The following RALGPS1 variants were observed in gnomAD, a reference collection of about 807,000 sequenced individuals.
RALGPS1 encodes ras-specific guanine nucleotide-releasing factor RalGPS1.
A neutral mutation model predicts 78.8 loss-of-function variants in RALGPS1; 19 were observed. That is an observed-to-expected ratio of 0.24 (90% CI 0.17 to 0.35). RALGPS1 has a LOEUF of 0.35. Ranked by LOEUF, RALGPS1 falls within the 10% of genes least tolerant of loss-of-function variation. RALGPS1 has a pLI of 1.00. For synonymous variants in RALGPS1, 228 were observed against 256.3 expected (o/e 0.89, Z 1.06); for missense variants, 454 against 688.3 (o/e 0.66, Z 3.81).
chr9:127,095,120 C>T (rs182375449), intron 8 of RALGPS1, among the ~76,000 whole-genome samples: 362 of 152,264 alleles, frequency 2.4e-3, no homozygotes, highest in Admixed American at 4.6e-3. Flanking sequence ...CTCATAGGGC[C>T]GGGCACGGTG....
intron 10 of RALGPS1, among the ~76,000 whole-genome samples, chr9:127,170,044 T>C (rs934684313): frequency 6.6e-6 from 1 of 152,270 alleles, no homozygotes; most frequent in African/African-American, 2.4e-5. Context: ...CCATGATTCC[T>C]TGGAATCTTG....
Position 127,050,105 on chromosome 9 carries a change from C to G in RALGPS1, c.363C>G (p.Ile121Met). 1.2e-6 allele frequency: 2 copies of G among 1,613,846 alleles called. No homozygotes were observed. Among genetic ancestry groups the G allele is most frequent in the Non-Finnish European group, 1.7e-6 (2 of 1,179,760 alleles). Residue 121 changes from isoleucine to methionine, a missense_variant, in exon 6 of 19, where the codon ATC becomes ATG. By Grantham distance (10) the Ile-to-Met change is conservative. Coordinates refer to ENST00000259351, the MANE Select transcript of RALGPS1 (RefSeq NM_014636.3). ...TAQTLKIRAE[I>M]LSHFVKIAKK... ...AGACTTTAAAAATAAGGGCAGAAATCCTCAGCCATTTTGTGAAAATAGCCA... is the reference window on the plus strand; with the variant it reads ...AGACTTTAAAAATAAGGGCAGAAATGCTCAGCCATTTTGTGAAAATAGCCA...
chr9:127,140,733 T>C (rs1195804128), intron 8 of RALGPS1, among the ~76,000 whole-genome samples: 1 of 152,126 alleles, frequency 6.6e-6, no homozygotes, highest in Non-Finnish European at 1.5e-5. Context: ...AAAAAAAGTT[T>C]TAACCTCCCC....
intron 11 of RALGPS1, among the ~76,000 whole-genome samples, chr9:127,177,544 C>T (rs993114675): frequency 6.6e-6 from 1 of 151,722 alleles, no homozygotes; most frequent in East Asian, 1.9e-4. Flanking sequence ...AGCCCAGGGC[C>T]CTGCCTCAGC....
intron 8 of RALGPS1, among the ~76,000 whole-genome samples, chr9:127,123,061 C>A (rs1415787164): frequency 6.6e-6 from 1 of 152,260 alleles, no homozygotes; most frequent in African/African-American, 2.4e-5. Context: ...AGCGGGTCCT[C>A]CCCCTGGATG....
At chr9:127,121,860 G>C (rs1046003376) in intron 8 of RALGPS1, among the ~76,000 whole-genome samples, 1 of 152,200 alleles carries the variant, frequency 6.6e-6, no homozygotes, top group Non-Finnish European at 1.5e-5. Flanking sequence ...CACAGCGCTT[G>C]CCTTTGCCTC....
rs948877579 is a variant in RALGPS1, at chr9:127,028,341, T to G, written c.217-6090T>G. 2.0e-5 allele frequency among the ~76,000 whole-genome samples: 3 copies of G among 152,268 alleles called. No individual in the cohort carries two copies. The East Asian group carries it at 5.8e-4, about 29-fold the overall frequency. On this transcript the variant is annotated intron_variant, in intron 4 of 18. Coordinates refer to ENST00000259351, the MANE Select transcript of RALGPS1 (RefSeq NM_014636.3). ...CATCACTTCTACCATCCACTACCTG[T>G]GTGGTCTGGACAAATTACCTGCTTG...
intron 8 of RALGPS1, among the ~76,000 whole-genome samples, chr9:127,155,762 C>G (rs1397693287): frequency 6.6e-6 from 1 of 152,096 alleles, no homozygotes; most frequent in African/African-American, 2.4e-5. Context: ...GTGTCTGTGG[C>G]CTTTAAATCT....
At chr9:127,063,061 C>T (rs1190527967) in intron 7 of RALGPS1, among the ~76,000 whole-genome samples, 1 of 152,184 alleles carries the variant, frequency 6.6e-6, no homozygotes, top group Non-Finnish European at 1.5e-5. Flanking sequence ...TTTGGAGCAA[C>T]AGTCTCTTTG....
intron 11 of RALGPS1, among the ~76,000 whole-genome samples, chr9:127,175,025 G>T (rs2059777547): frequency 6.6e-6 from 1 of 152,200 alleles, no homozygotes; most frequent in African/African-American, 2.4e-5. Context: ...GGCCTGAACA[G>T]CCCCAAGAGA....
chr9:127,218,769 A>C lies in RALGPS1; in HGVS notation c.1674A>C (p.Ter558TyrextTer21). The C allele has an allele frequency of 6.2e-7, 1 of 1,613,988 alleles. No homozygotes were observed. The highest frequency in any genetic ancestry group is 8.5e-7 in the Non-Finnish European group (1 of 1,179,838). The change falls in exon 19 of 19, where the codon TAA becomes TAC. Residue 558 changes from the stop codon to tyrosine (Y), a stop_lost. Transcript: ENST00000259351. The surrounding 1 kb of genome is among the most constrained non-coding windows in gnomAD (Gnocchi z 4.4). ...QVPANLMSFE[*>Y] ...CTGCAAACCTTATGTCATTTGAGTAAGTCTCTGCAGGACGTGGCATGACTT... is the reference window on the plus strand; with the variant it reads ...CTGCAAACCTTATGTCATTTGAGTACGTCTCTGCAGGACGTGGCATGACTT...
At chr9:126,944,678 T>C (rs940560183) in intron 1 of RALGPS1, among the ~76,000 whole-genome samples, 9 of 152,180 alleles carry the variant, frequency 5.9e-5, no homozygotes, top group Admixed American at 1.3e-4. Context: ...ATAGAAAGGC[T>C]GCAAAACAGT....
chr9:126,932,917 C>T (rs903812517), intron 1 of RALGPS1, among the ~76,000 whole-genome samples: 13 of 152,136 alleles, frequency 8.5e-5, no homozygotes, highest in South Asian at 2.1e-4. Context: ...GAGCCGAGGC[C>T]GGGCTGTGGA....
chr9:127,143,115 TTTTG>T (rs1469309889), intron 8 of RALGPS1, among the ~76,000 whole-genome samples: 2 of 152,250 alleles, frequency 1.3e-5, no homozygotes, highest in African/African-American at 4.8e-5. Context: ...GTTTCCAAGT[TTTTG>T]TTTGTTTTCT....
chr9:127,165,953 C>A, intron 8 of RALGPS1, 116 bp from the exon 9 acceptor site: 1 of 1,375,192 alleles, frequency 7.3e-7, no homozygotes, highest in Non-Finnish European at 9.5e-7. Context: ...CAAATATTAT[C>A]TCAGTTTTCC....
chr9:127,100,729 A>G (rs1226027409), intron 8 of RALGPS1, among the ~76,000 whole-genome samples: 1 of 152,190 alleles, frequency 6.6e-6, no homozygotes, highest in Non-Finnish European at 1.5e-5. Flanking sequence ...GGAAGAACTT[A>G]TCAGACCCAT....
intron 8 of RALGPS1, among the ~76,000 whole-genome samples, chr9:127,146,938 C>A (rs2058130388): frequency 6.6e-6 from 1 of 152,204 alleles, no homozygotes. Flanking sequence ...ATTTTAAGTT[C>A]TTTGAGAAAT....
intron 8 of RALGPS1, among the ~76,000 whole-genome samples, chr9:127,153,347 C>T (rs2058527711): frequency 6.6e-6 from 1 of 150,544 alleles, no homozygotes; most frequent in African/African-American, 2.4e-5. Context: ...AGGATGATTC[C>T]CCCACGTAAA....
intron 13 of RALGPS1, among the ~76,000 whole-genome samples, chr9:127,198,789 G>A (rs1432691105): frequency 6.6e-6 from 1 of 152,296 alleles, no homozygotes; most frequent in East Asian, 1.9e-4. Context: ...GCCCCCGGGG[G>A]CAGTGGGAAG....
Sources: allele counts gnomAD v4.1 joint callset (sites outside exome capture counted in the v4.1 genomes callset), GRCh38; gene constraint gnomAD v4.1.1; non-coding constraint Gnocchi (gnomAD v3.1); transcripts MANE v1.5; gene names NCBI Gene and HGNC (gene_info 2026-07-23, HGNC 2026-07-21).